MARK4: variants seen among roughly 807,000 people sequenced by gnomAD.
The protein encoded by MARK4 is MAP/microtubule affinity-regulating kinase 4.
MARK4 carries 19 observed loss-of-function variants against 81.5 expected under a neutral mutation model. The observed-to-expected ratio is 0.23, with a 90% CI of 0.16 to 0.34. The LOEUF is 0.34. Ranked by LOEUF, MARK4 falls within the 10% of genes least tolerant of loss-of-function variation. The pLI is 1.00. For missense variants in MARK4, 772 were observed against 1,058.8 expected (o/e 0.73, Z 3.76); for synonymous variants, 436 against 439.0 (o/e 0.99, Z 0.08).
At chr19:45,261,857 TGA>T (rs913568154) in intron 2 of MARK4, among the ~76,000 whole-genome samples, 6 of 151,624 alleles carry the variant, frequency 4.0e-5, no homozygotes, top group African/African-American at 1.5e-4. Flanking sequence ...CCCTTGAACC[TGA>T]GAGGTGGAGG....
At position 45,251,498 on chromosome 19, in the gene MARK4, C is replaced by G. The variant is rs573904347; in HGVS notation, c.-91C>G. On this transcript the variant is annotated 5_prime_UTR_variant, in exon 1 of 17. Transcript: ENST00000262891. The stretch of plus-strand genomic sequence containing the variant: ...GCGCCCAGCTTTTGAGCTCGCGTCC[C>G]CAGGCCGGCGGGGGGGGAGGGGAAG... The G allele has an allele frequency of 1.1e-4, 85 of 788,464 alleles. 1 individual carries two copies. In the African/African-American group the frequency reaches 1.5e-3, roughly 14 times the overall value. The allele number at this position is 788,464 out of a possible 1,614,324, so 48.8% of individuals were successfully genotyped here.
intron 6 of MARK4, among the ~76,000 whole-genome samples, chr19:45,265,501 G>A (rs1970440097): frequency 6.6e-6 from 1 of 151,946 alleles, no homozygotes; most frequent in Non-Finnish European, 1.5e-5. Flanking sequence ...AGAGTGTGGG[G>A]GGGGCCAGGT....
At chr19:45,255,007 C>G (rs895720264) in intron 1 of MARK4, among the ~76,000 whole-genome samples, 1 of 152,092 alleles carries the variant, frequency 6.6e-6, no homozygotes, top group Admixed American at 6.6e-5. Flanking sequence ...TGAAGACTAG[C>G]CCGGACAACA....
At chr19:45,291,612 C>T (rs537796421) in intron 13 of MARK4, among the ~76,000 whole-genome samples, 34 of 152,306 alleles carry the variant, frequency 2.2e-4, no homozygotes, top group South Asian at 2.1e-3. Flanking sequence ...GAAACCCCAT[C>T]TCTACTAAAA....
intron 1 of MARK4, among the ~76,000 whole-genome samples, chr19:45,258,647 C>T (rs981410867): frequency 6.6e-6 from 1 of 151,662 alleles, no homozygotes; most frequent in African/African-American, 2.4e-5. Context: ...TTGCAGTGAG[C>T]TGAGATCGTG....
chr19:45,264,976 G>T, intron 6 of MARK4, 66 bp downstream of exon 6: 1 of 1,547,310 alleles, frequency 6.5e-7, no homozygotes, highest in Non-Finnish European at 8.9e-7. Flanking sequence ...TCTGAGAGCT[G>T]GGCATGGTCT....
Position 45,272,842 on chromosome 19 carries a change from T to C in MARK4, c.786+1134T>C, listed in dbSNP as rs560390717. Among the ~76,000 whole-genome samples the C allele has an allele frequency of 3.9e-5, 6 of 152,104 alleles. No homozygotes were observed. The East Asian group carries it at 1.2e-3, about 29-fold the overall frequency. ...GGCAGAGGTTGCAGTGAGTCAAGAT[T>C]GTGCCACTGCACTCCAGCCTGGGCG... On this transcript the variant is annotated intron_variant, in intron 8 of 16. Transcript: ENST00000262891.
At chr19:45,272,242 G>A (rs1410189268) in intron 8 of MARK4, among the ~76,000 whole-genome samples, 1 of 152,196 alleles carries the variant, frequency 6.6e-6, no homozygotes, top group Non-Finnish European at 1.5e-5. Context: ...TGACGCGGGA[G>A]GATCACTTGA....
chr19:45,273,835 C>G (rs1970564003), intron 8 of MARK4, among the ~76,000 whole-genome samples: 1 of 152,246 alleles, frequency 6.6e-6, no homozygotes, highest in Non-Finnish European at 1.5e-5. Flanking sequence ...GAGGACAGAC[C>G]ATCAAAGCGG....
intron 15 of MARK4, 22 bp from the exon 16 acceptor site, chr19:45,299,789 C>CT (rs1568505028): frequency 1.3e-6 from 2 of 1,585,654 alleles, no homozygotes; most frequent in Non-Finnish European, 1.7e-6. Flanking sequence ...ATTAGACACT[C>CT]TGTCCCCCTC....
chr19:45,269,575 G>A (rs1331916583), intron 7 of MARK4, among the ~76,000 whole-genome samples: 3 of 152,258 alleles, frequency 2.0e-5, no homozygotes, highest in South Asian at 2.1e-4. Context: ...TGACCTGGGC[G>A]AGGGAAGGAC....
intron 1 of MARK4, among the ~76,000 whole-genome samples, 188 bp downstream of exon 1, chr19:45,251,827 C>T (rs1329813748): frequency 1.3e-5 from 2 of 151,864 alleles, no homozygotes; most frequent in South Asian, 4.2e-4. Context: ...CCAGCCCGAC[C>T]CCTGGGGGCG....
intron 6 of MARK4, 96 bp from the exon 7 acceptor site, chr19:45,266,128 GA>G (rs1599782664): frequency 8.1e-7 from 1 of 1,237,266 alleles, no homozygotes; most frequent in East Asian, 2.3e-5. Context: ...GTGCCTTGGG[GA>G]GGCCTGGGGC....
Position 45,294,422 on chromosome 19 carries a change from C to T in MARK4, c.1568C>T (p.Pro523Leu), listed in dbSNP as rs771693803. The T allele has an allele frequency of 2.0e-5, 32 of 1,613,958 alleles. No homozygotes were observed. Among genetic ancestry groups the T allele is most frequent in the African/African-American group, 4.0e-5 (3 of 74,876 alleles). ...VCTERPGAER[P>L]SLLPNGKENS... Reference sequence around the variant, plus strand: ...ACAGAACGCCCGGGGGCTGAGCGCCCGTCACTGTTGCCAAATGGGAAAGAA... The same window carrying T: ...ACAGAACGCCCGGGGGCTGAGCGCCTGTCACTGTTGCCAAATGGGAAAGAA... Residue 523 changes from proline to leucine, a missense_variant, in exon 14 of 17, where the codon CCG becomes CTG. By Grantham distance (98) the Pro-to-Leu change is moderately conservative. Coordinates refer to ENST00000262891, the MANE Select transcript of MARK4 (RefSeq NM_001199867.2).
At position 45,258,893 on chromosome 19, in the gene MARK4, G is replaced by A. The variant is rs1599778052; in HGVS notation, c.52-96G>A. 12 of 1,348,960 alleles carry A rather than the reference G, an allele frequency of 8.9e-6. No individual in the cohort carries two copies. The East Asian group carries it at 2.4e-4, about 27-fold the overall frequency. The allele number at this position is 1,348,960 out of a possible 1,614,324, so 83.6% of individuals were successfully genotyped here. A position where few individuals can be genotyped will look rare whatever the true frequency, so the allele number is the denominator to read the frequency against. On this transcript the variant is annotated intron_variant, in intron 1 of 16. Transcript: ENST00000262891. ...GGGCCTGAGTTTGAAAAGGGCCACG[G>A]AGGGGCCGGTAGCCAGGCCTCAAGT...
intron 1 of MARK4, among the ~76,000 whole-genome samples, chr19:45,258,010 A>G (rs1388093717): frequency 8.3e-6 from 1 of 120,356 alleles, no homozygotes; most frequent in Non-Finnish European, 1.7e-5. Flanking sequence ...TTTTTAGACC[A>G]AGTCTCACTC....
chr19:45,290,506 G>A (rs1970806999), intron 13 of MARK4, among the ~76,000 whole-genome samples: 2 of 152,252 alleles, frequency 1.3e-5, no homozygotes, highest in Non-Finnish European at 2.9e-5. Flanking sequence ...GCAGTGTCCA[G>A]CCATGACCAG....
intron 12 of MARK4, among the ~76,000 whole-genome samples, chr19:45,282,652 C>T (rs1477339655): frequency 6.6e-6 from 1 of 152,076 alleles, no homozygotes; most frequent in Non-Finnish European, 1.5e-5. Flanking sequence ...ATGGTGAAAC[C>T]CTGTCTCTAC....
chr19:45,291,072 C>A (rs1183591162), intron 13 of MARK4, among the ~76,000 whole-genome samples: 1 of 152,204 alleles, frequency 6.6e-6, no homozygotes, highest in East Asian at 1.9e-4. Flanking sequence ...ATTCATGCCC[C>A]TTGGCTCTTC....
Sources: allele counts gnomAD v4.1 joint callset (sites outside exome capture counted in the v4.1 genomes callset), GRCh38; gene constraint gnomAD v4.1.1; transcripts MANE v1.5; gene names NCBI Gene and HGNC (gene_info 2026-07-23, HGNC 2026-07-21).